IFT57: variants seen among roughly 807,000 people sequenced by gnomAD.
The protein encoded by IFT57 is intraflagellar transport 57.
A neutral mutation model predicts 56.8 loss-of-function variants in IFT57; 59 were observed. That is an observed-to-expected ratio of 1.04 (90% CI 0.84 to 1.29). IFT57 has a LOEUF of 1.29. Among genes scored for constraint, IFT57 ranks in the 50% most tolerant of loss-of-function variants. IFT57 has a pLI of 0.00. For missense variants in IFT57, 470 were observed against 522.1 expected, an observed-to-expected ratio of 0.90 and a Z score of 0.97; for synonymous variants, 209 against 186.1, an observed-to-expected ratio of 1.12 and a Z score of -1.00.
intron 6 of IFT57, among the ~76,000 whole-genome samples, chr3:108,169,284 TGTC>T (rs1187349495): frequency 2.0e-5 from 3 of 152,060 alleles, no homozygotes; most frequent in African/African-American, 7.2e-5. Flanking sequence ...GCCACATAAA[TGTC>T]TTCTTCTGAG....
intron 5 of IFT57, among the ~76,000 whole-genome samples, chr3:108,196,075 G>A (rs2080243014): frequency 6.6e-6 from 1 of 152,046 alleles, no homozygotes; most frequent in Non-Finnish European, 1.5e-5. Context: ...ATTACGCATT[G>A]TATGCCTTGT....
At chr3:108,196,278 C>G (rs2080243927) in intron 5 of IFT57, among the ~76,000 whole-genome samples, 1 of 135,536 alleles carries the variant, frequency 7.4e-6, no homozygotes, top group African/African-American at 2.7e-5. Flanking sequence ...TCCAACCCCT[C>G]TTTCTTTCCC....
At chr3:108,186,673 C>T (rs2080185102) in intron 6 of IFT57, among the ~76,000 whole-genome samples, 1 of 152,008 alleles carries the variant, frequency 6.6e-6, no homozygotes, top group Admixed American at 6.6e-5. Context: ...AATTAGAATG[C>T]ATTTCCATAA....
intron 6 of IFT57, among the ~76,000 whole-genome samples, chr3:108,176,095 T>C (rs774670790): frequency 5.0e-4 from 76 of 151,898 alleles, no homozygotes; most frequent in Non-Finnish European, 9.9e-4. Context: ...TTCTCTATTC[T>C]CACTGCCCAC....
At position 108,222,259 on chromosome 3, in the gene IFT57, C is replaced by T. The variant is rs762869978; in HGVS notation, c.64G>A (p.Gly22Ser). Reference sequence around the variant, plus strand: ...AAGACCACTTCCCCGGTCCCTTCGCCACGGGACCTAGGCACCCCATCTTCC... The same window carrying T: ...AAGACCACTTCCCCGGTCCCTTCGCTACGGGACCTAGGCACCCCATCTTCC... ...GLEDGVPRSRGEGTGEVVLER... is the reference protein window; with the variant it reads ...GLEDGVPRSRSEGTGEVVLER... Residue 22 changes from glycine to serine, a missense_variant, in exon 1 of 11, where the codon GGC becomes AGC. Transcript: ENST00000264538. The T allele has an allele frequency of 1.2e-6, 2 of 1,614,092 alleles. No individual in the cohort carries two copies. Among genetic ancestry groups the T allele is most frequent in the Admixed American group, 3.3e-5 (2 of 60,036 alleles).
At chr3:108,202,480 C>T (rs1170658780) in intron 5 of IFT57, among the ~76,000 whole-genome samples, 20 of 152,184 alleles carry the variant, frequency 1.3e-4, no homozygotes, top group Admixed American at 1.1e-3. Context: ...AACTTTAATT[C>T]GGCACCAGTG....
intron 3 of IFT57, 139 bp downstream of exon 3, chr3:108,218,396 T>C: frequency 2.1e-6 from 1 of 474,506 alleles, no homozygotes; most frequent in Admixed American, 3.2e-5. Context: ...TATACTGGCT[T>C]TTCTTAATTA....
intron 6 of IFT57, among the ~76,000 whole-genome samples, chr3:108,168,772 GC>G (rs1403779673): frequency 6.6e-6 from 1 of 151,984 alleles, no homozygotes; most frequent in Non-Finnish European, 1.5e-5. Flanking sequence ...GTGTTAGTCT[GC>G]TGAGAATGAT....
At chr3:108,168,158 A>G (rs2080072277) in intron 6 of IFT57, among the ~76,000 whole-genome samples, 2 of 152,016 alleles carry the variant, frequency 1.3e-5, no homozygotes, top group Admixed American at 6.6e-5. Context: ...AAATGAAAAA[A>G]AAATTCTAAT....
intron 9 of IFT57, 69 bp from the exon 10 acceptor site, chr3:108,163,798 T>C: frequency 1.2e-6 from 1 of 859,936 alleles, no homozygotes; most frequent in Non-Finnish European, 1.9e-6. Context: ...AATTATGTGT[T>C]AAGAAAATGT....
At chr3:108,170,083 C>T (rs1406448221) in intron 6 of IFT57, among the ~76,000 whole-genome samples, 3 of 151,814 alleles carry the variant, frequency 2.0e-5, no homozygotes, top group African/African-American at 4.8e-5. Flanking sequence ...CTTTGAAAAC[C>T]GGAAAAAGAC....
intron 3 of IFT57, among the ~76,000 whole-genome samples, chr3:108,217,846 T>TA (rs1372209572): frequency 6.6e-6 from 1 of 151,932 alleles, no homozygotes; most frequent in Non-Finnish European, 1.5e-5. Flanking sequence ...ATAATCTCTA[T>TA]AAATTGAGTT....
chr3:108,178,845 TG>T (rs1204992713), intron 6 of IFT57, among the ~76,000 whole-genome samples: 1 of 151,932 alleles, frequency 6.6e-6, no homozygotes, highest in Non-Finnish European at 1.5e-5. Context: ...CTACTACAGC[TG>T]ATCACATACT....
Position 108,163,661 on chromosome 3 carries a change from A to G in IFT57, c.1111+2T>C, listed in dbSNP as rs957407250. On this transcript the variant is annotated splice_donor_variant, in intron 10 of 10. Coordinates refer to ENST00000264538, the MANE Select transcript of IFT57 (RefSeq NM_018010.4). LOFTEE classifies it high-confidence loss of function. Reference sequence around the variant, plus strand: ...TTTCCCCTAAAATGAGCATGTACTTACCACCATCAGTCATGCTGCTGCCCT... The same window carrying G: ...TTTCCCCTAAAATGAGCATGTACTTGCCACCATCAGTCATGCTGCTGCCCT... 6.2e-7 allele frequency: 1 copy of G among 1,606,068 alleles called. No individual in the cohort carries two copies. Among genetic ancestry groups the G allele is most frequent in the East Asian group, 2.2e-5 (1 of 44,682 alleles).
intron 5 of IFT57, among the ~76,000 whole-genome samples, chr3:108,203,755 A>G (rs953569375): frequency 6.6e-6 from 1 of 152,242 alleles, no homozygotes; most frequent in Non-Finnish European, 1.5e-5. Context: ...GACAGAAAAA[A>G]TAAATCAGTA....
At chr3:108,196,771 C>T (rs1429494616) in intron 5 of IFT57, among the ~76,000 whole-genome samples, 2 of 152,176 alleles carry the variant, frequency 1.3e-5, no homozygotes, top group African/African-American at 4.8e-5. Context: ...TTTGGCAGAG[C>T]AGCATTAACT....
chr3:108,165,558 C>T lies in IFT57; in HGVS notation c.982-65G>A, dbSNP rs964384991. 2.8e-5 allele frequency: 36 copies of T among 1,293,044 alleles called. No homozygotes were observed. In the Admixed American group the frequency reaches 4.7e-4, roughly 17 times the overall value. 80.1% of individuals were successfully genotyped at this position (1,293,044 alleles called of 1,614,324 possible). On this transcript the variant is annotated intron_variant, in intron 8 of 10. Coordinates refer to ENST00000264538, the MANE Select transcript of IFT57 (RefSeq NM_018010.4). ...CAGCAGCAGATTAAATACGACTGAC[C>T]TCTTTGTGTTTGCAATTTCTGCAGG... is the stretch of plus-strand genomic sequence containing the variant.
chr3:108,197,754 A>G (rs903625270), intron 5 of IFT57, among the ~76,000 whole-genome samples: 8 of 152,164 alleles, frequency 5.3e-5, no homozygotes, highest in African/African-American at 1.9e-4. Flanking sequence ...TCACAACAGC[A>G]TGGTGTAAAT....
At chr3:108,195,303 T>TA (rs2080237777) in intron 5 of IFT57, among the ~76,000 whole-genome samples, 1 of 152,136 alleles carries the variant, frequency 6.6e-6, no homozygotes, top group Non-Finnish European at 1.5e-5. Context: ...AAAATGGTTT[T>TA]ATCAAAAAGA....
Sources: allele counts gnomAD v4.1 joint callset (sites outside exome capture counted in the v4.1 genomes callset), GRCh38; gene constraint gnomAD v4.1.1; transcripts MANE v1.5; gene names NCBI Gene and HGNC (gene_info 2026-07-23, HGNC 2026-07-21).